DMD: variants seen among roughly 807,000 people sequenced by gnomAD.
DMD encodes the protein dystrophin.
Under a neutral mutation model 330.1 loss-of-function variants are expected in DMD, and 63 were observed. The observed-to-expected ratio is 0.19, with a 90% CI of 0.16 to 0.24. The LOEUF (loss-of-function observed/expected upper bound fraction) is 0.24, where lower values mean the gene tolerates loss of function less well. Among genes scored for constraint, DMD ranks in the 10% least tolerant of loss-of-function variants. The pLI is 1.00. For missense variants in DMD, 3,344 were observed against 2,684.1 expected (o/e 1.25, Z -5.43); for synonymous variants, 1,223 against 959.8 (o/e 1.27, Z -5.07).
chrX:32,762,669 T>C (rs1281435046), intron 7 of DMD, among the ~76,000 whole-genome samples: 1 of 109,804 alleles, frequency 9.1e-6, no homozygotes, highest in Admixed American at 9.8e-5. Flanking sequence ...GGAGAAGAAG[T>C]ATGTTCTTGC....
intron 44 of DMD, among the ~76,000 whole-genome samples, chrX:32,096,289 C>T (rs1259806716): frequency 9.0e-6 from 1 of 111,574 alleles, no homozygotes; most frequent in Admixed American, 9.6e-5. Context: ...AAGGTTTGAA[C>T]CCAGGCTCTT....
At chrX:32,689,958 C>A (rs183762892) in intron 9 of DMD, among the ~76,000 whole-genome samples, 45 of 110,000 alleles carry the variant, frequency 4.1e-4, no homozygotes, top group Non-Finnish European at 4.4e-4. Flanking sequence ...ACAACAACTG[C>A]GAACTGAAAG....
chrX:32,711,896 A>T (rs2065225152), intron 7 of DMD, among the ~76,000 whole-genome samples: 1 of 112,066 alleles, frequency 8.9e-6, no homozygotes, highest in African/African-American at 3.2e-5. Context: ...TTCAAAATTT[A>T]GCTTTACCAC....
chrX:32,701,250 T>G lies in DMD; in HGVS notation c.650-1957A>C, dbSNP rs149240782. 9.3e-3 allele frequency among the ~76,000 whole-genome samples: 1,040 copies of G among 112,117 alleles called. 21 individuals carry two copies. Among genetic ancestry groups the G allele is most frequent in the African/African-American group, 0.031 (973 of 30,976 alleles). ...CAGACTGTTACATCATCTCCCGTTT[T>G]ATTGTTTTATTCATTTATTCAAATG... On this transcript the variant is annotated intron_variant, in intron 7 of 78. Coordinates refer to ENST00000357033, the MANE Select transcript of DMD (RefSeq NM_004006.3).
At position 32,849,462 on chromosome X, in the gene DMD, T is replaced by C. The variant is rs192867064; in HGVS notation, c.186+266A>G. ...AAGTCATTATGTATAAAAGCCTTCA[T>C]TAAGATATTTGATAAGATAGATACC... On this transcript the variant is annotated intron_variant, in intron 3 of 78. Transcript: ENST00000357033. 3.6e-5 allele frequency among the ~76,000 whole-genome samples: 4 copies of C among 112,101 alleles called. No homozygotes were observed. The Admixed American group carries it at 3.8e-4, about 11-fold the overall frequency.
At position 32,442,337 on chromosome X, in the gene DMD, A is replaced by G. The variant is rs142615120; in HGVS notation, c.3787-1023T>C. 4.0e-3 allele frequency among the ~76,000 whole-genome samples: 439 copies of G among 110,958 alleles called. 5 individuals carry two copies. Among genetic ancestry groups the G allele is most frequent in the African/African-American group, 0.014 (432 of 30,742 alleles). On this transcript the variant is annotated intron_variant, in intron 27 of 78. Coordinates refer to ENST00000357033, the MANE Select transcript of DMD (RefSeq NM_004006.3). ...AGTCAAATAGAAGATGAATAACCCA[A>G]TCGATAATGAAAAGAAAACCTGAAC...
chrX:32,307,176 A>C (rs1419465744), intron 42 of DMD, among the ~76,000 whole-genome samples: 3 of 111,334 alleles, frequency 2.7e-5, no homozygotes, highest in Non-Finnish European at 3.8e-5. Flanking sequence ...GGAATGATCC[A>C]AGGAGGTGCT....
At chrX:32,414,147 T>C (rs1473414880) in intron 29 of DMD, among the ~76,000 whole-genome samples, 4 of 111,670 alleles carry the variant, frequency 3.6e-5, no homozygotes, top group Admixed American at 9.6e-5. Context: ...TGTGGCCCTC[T>C]TGATTCTTGG....
chrX:32,520,117 A>G (rs1347154494), intron 17 of DMD, among the ~76,000 whole-genome samples: 1 of 111,997 alleles, frequency 8.9e-6, no homozygotes, highest in East Asian at 2.8e-4. Context: ...TTATCTGTGT[A>G]TGCATTACAA....
intron 44 of DMD, among the ~76,000 whole-genome samples, chrX:32,093,523 C>T (rs960185109): frequency 2.7e-5 from 3 of 111,403 alleles, no homozygotes; most frequent in African/African-American, 6.5e-5. Context: ...ATTATTTTGT[C>T]GAAAAACTAA....
intron 16 of DMD, among the ~76,000 whole-genome samples, chrX:32,560,943 G>C (rs774053150): frequency 9.0e-6 from 1 of 111,571 alleles, no homozygotes; most frequent in Admixed American, 9.5e-5. Context: ...ATATTCCTTT[G>C]GGTATATATC....
At chrX:31,381,936 G>A (rs2060204090) in intron 60 of DMD, among the ~76,000 whole-genome samples, 1 of 111,683 alleles carries the variant, frequency 9.0e-6, no homozygotes, top group Admixed American at 9.5e-5. Flanking sequence ...TGGCAAATTG[G>A]CTTTACTAAA....
chrX:32,600,750 A>T (rs1221973019), intron 12 of DMD, among the ~76,000 whole-genome samples: 3 of 111,043 alleles, frequency 2.7e-5, no homozygotes, highest in Non-Finnish European at 5.7e-5. Context: ...AGTAGTTTGT[A>T]GTTTATCTCA....
At chrX:31,287,830 A>T (rs2053347193) in intron 62 of DMD, among the ~76,000 whole-genome samples, 1 of 112,020 alleles carries the variant, frequency 8.9e-6, no homozygotes, top group South Asian at 3.7e-4. Context: ...GCAAATGGTA[A>T]ATATTTCTCA....
At chrX:32,785,235 T>C (rs900857450) in intron 7 of DMD, among the ~76,000 whole-genome samples, 4 of 110,437 alleles carry the variant, frequency 3.6e-5, no homozygotes, top group Non-Finnish European at 7.6e-5. Flanking sequence ...CTAGTCTATA[T>C]GTACTCTGCA....
chrX:32,627,794 TTTA>T (rs1332936933), intron 11 of DMD, among the ~76,000 whole-genome samples: 2 of 111,862 alleles, frequency 1.8e-5, no homozygotes, highest in African/African-American at 6.5e-5. Flanking sequence ...CATTAATAAT[TTTA>T]TTATTTTCAC....
intron 4 of DMD, among the ~76,000 whole-genome samples, chrX:32,842,536 A>ACC (rs72351473): frequency 6.4e-5 from 7 of 108,837 alleles, no homozygotes; most frequent in East Asian, 5.8e-4. Context: ...TGCAAGTAAG[A>ACC]CCCCCCCCAT....
At chrX:32,298,197 A>T (rs2097505537) in intron 42 of DMD, among the ~76,000 whole-genome samples, 1 of 110,619 alleles carries the variant, frequency 9.0e-6, no homozygotes, top group South Asian at 3.9e-4. Context: ...GGAGAAGGCA[A>T]TGAGGGGGAA....
chrX:32,442,290 A>G (rs2098284351), intron 27 of DMD, among the ~76,000 whole-genome samples: 1 of 111,322 alleles, frequency 9.0e-6, no homozygotes, highest in South Asian at 3.7e-4. Flanking sequence ...TGTAACACAT[A>G]AGAATATGAA....
Sources: gnomAD v4.1 joint callset for allele counts (sites outside exome capture counted in the v4.1 genomes callset) on GRCh38, gnomAD v4.1.1 for gene constraint, MANE v1.5 for transcripts, NCBI Gene and HGNC (gene_info 2026-07-23, HGNC 2026-07-21) for gene names.